OSGIN2: variants seen among roughly 807,000 people sequenced by gnomAD.
OSGIN2 encodes the protein oxidative stress induced growth inhibitor family member 2.
A neutral mutation model predicts 53.8 loss-of-function variants in OSGIN2; 19 were observed. The ratio of observed to expected loss-of-function variants is 0.35; its 90% CI spans 0.25 to 0.52. The LOEUF (loss-of-function observed/expected upper bound fraction) is 0.52. Among genes scored for constraint, OSGIN2 ranks in the 20% least tolerant of loss-of-function variants. OSGIN2 has a pLI of 0.95. For synonymous variants in OSGIN2, 236 were observed against 236.0 expected, an observed-to-expected ratio of 1.00 and a Z score of 0.00; for missense variants, 520 against 662.7, an observed-to-expected ratio of 0.78 and a Z score of 2.36.
chr8:89,914,843 G>GT (rs1379917647), intron 4 of OSGIN2, 97 bp downstream of exon 4: 1 of 835,888 alleles, frequency 1.2e-6, no homozygotes, highest in Admixed American at 2.4e-5. Context: ...TATATGTGAT[G>GT]TTTATCACAT....
chr8:89,901,951 G>A (rs960338679), upstream of OSGIN2: 4 of 152,392 alleles, frequency 2.6e-5, no homozygotes, highest in African/African-American at 9.6e-5. Context: ...GACATGAAGA[G>A]GGGAGGATGA....
In OSGIN2 at chr8:89,920,937, CAACCATT is replaced by C. The variant is rs1586008223; in HGVS notation, c.529-142_529-136del. On this transcript the variant is annotated intron_variant, in intron 4 of 5. Transcript: ENST00000451899. ...AGTAATGTTTTTGAGGTAAGTTAGC[CAACCATT>C]TAGGACTGCAGGAGCGCACCTTGTC... 2.3e-5 allele frequency: 12 copies of C among 513,872 alleles called. No individual in the cohort carries two copies. The South Asian group carries it at 4.0e-4, about 17-fold the overall frequency. The allele number at this position is 513,872 out of a possible 1,614,324, so 31.8% of individuals were successfully genotyped here.
chr8:89,902,962 C>T (rs949312696), intron 1 of OSGIN2, 125 bp downstream of exon 1: 68 of 274,562 alleles, frequency 2.5e-4, no homozygotes, highest in Non-Finnish European at 3.7e-4. Context: ...CCTCCCGCCT[C>T]GGCCGTCCTG....
In OSGIN2 at chr8:89,926,919, A is replaced by G. The variant is rs1809346985; in HGVS notation, c.*1387A>G. 6.6e-6 allele frequency: 1 copy of G among 152,228 alleles called. No individual in the cohort carries two copies. Among genetic ancestry groups the G allele is most frequent in the Non-Finnish European group, 1.5e-5 (1 of 68,034 alleles). The allele number at this position is 152,228 out of a possible 1,614,324, so 9.4% of individuals were successfully genotyped here. A position where few individuals can be genotyped will look rare whatever the true frequency, so the allele number is the denominator to read the frequency against. Reference sequence around the variant, plus strand: ...CATAATTCACTTTAAATATAATTGTATAGAATATATTTGCGTCGATCAAAT... The same window carrying G: ...CATAATTCACTTTAAATATAATTGTGTAGAATATATTTGCGTCGATCAAAT... On this transcript the variant is annotated 3_prime_UTR_variant, in exon 6 of 6. Coordinates refer to ENST00000451899, the MANE Select transcript of OSGIN2 (RefSeq NM_001126111.3).
upstream of OSGIN2, among the ~76,000 whole-genome samples, chr8:89,902,317 CG>C (rs983392439): frequency 6.6e-6 from 1 of 152,138 alleles, no homozygotes; most frequent in Non-Finnish European, 1.5e-5. Context: ...AGAGGGGCGG[CG>C]GGGCGCTGAC....
intron 4 of OSGIN2, among the ~76,000 whole-genome samples, chr8:89,918,405 A>T (rs1288126909): frequency 6.6e-6 from 1 of 152,064 alleles, no homozygotes; most frequent in African/African-American, 2.4e-5. Flanking sequence ...AGCTCAAATG[A>T]TCCTCCTGCC....
chr8:89,906,020 GAAATT>G (rs1183065373), intron 1 of OSGIN2, among the ~76,000 whole-genome samples: 5 of 152,188 alleles, frequency 3.3e-5, no homozygotes, highest in African/African-American at 1.2e-4. Context: ...AATGTTGAGA[GAAATT>G]AAAGGTCTAA....
chr8:89,909,120 C>T (rs773928259), intron 1 of OSGIN2, among the ~76,000 whole-genome samples: 1 of 137,262 alleles, frequency 7.3e-6, no homozygotes, highest in Non-Finnish European at 1.5e-5. Flanking sequence ...ATTTCTTATA[C>T]AAAAATGCAC....
chr8:89,916,279 A>G (rs1221909003), intron 4 of OSGIN2, among the ~76,000 whole-genome samples: 1 of 152,090 alleles, frequency 6.6e-6, no homozygotes, highest in Non-Finnish European at 1.5e-5. Flanking sequence ...GTTAGAAAGT[A>G]TGGATAAACC....
intron 4 of OSGIN2, among the ~76,000 whole-genome samples, chr8:89,916,036 A>G (rs937005816): frequency 1.4e-5 from 2 of 140,854 alleles, no homozygotes; most frequent in African/African-American, 5.3e-5. Context: ...AATACAAGAT[A>G]AGAAAGAATT....
At chr8:89,914,451 G>A in intron 3 of OSGIN2, 104 bp from the exon 4 acceptor site, 1 of 834,408 alleles carries the variant, frequency 1.2e-6, no homozygotes, top group Non-Finnish European at 1.9e-6. Context: ...TGGTCAAGTT[G>A]GGGGTACTGC....
intron 1 of OSGIN2, among the ~76,000 whole-genome samples, chr8:89,909,011 C>CAAAAAA (rs35635974): frequency 7.8e-4 from 30 of 38,392 alleles, no homozygotes; most frequent in African/African-American, 3.0e-3. Context: ...ACCTTGTTTC[C>CAAAAAA]AAAAAAAAAA....
At chr8:89,918,254 C>A (rs765371248) in intron 4 of OSGIN2, among the ~76,000 whole-genome samples, 1 of 152,176 alleles carries the variant, frequency 6.6e-6, no homozygotes, top group Non-Finnish European at 1.5e-5. Flanking sequence ...TGTTTTTCTT[C>A]CTGTTTGGTC....
chr8:89,909,429 A>C (rs1313592588), intron 1 of OSGIN2, 138 bp from the exon 2 acceptor site: 1 of 511,126 alleles, frequency 2.0e-6, no homozygotes, highest in Non-Finnish European at 3.2e-6. Flanking sequence ...TGAAAGCATT[A>C]ATCAGAAGGA....
chr8:89,917,141 C>A (rs1809096351), intron 4 of OSGIN2, among the ~76,000 whole-genome samples: 1 of 152,130 alleles, frequency 6.6e-6, no homozygotes, highest in African/African-American at 2.4e-5. Flanking sequence ...GACACAGAAC[C>A]AAGATCTTAA....
In OSGIN2 at chr8:89,914,692, T is replaced by A. The variant is rs1809041193; in HGVS notation, c.474T>A (p.His158Gln). 6.2e-7 allele frequency: 1 copy of A among 1,614,100 alleles called. No homozygotes were observed. The highest frequency in any genetic ancestry group is 8.5e-7 in the Non-Finnish European group (1 of 1,179,912). Residue 158 changes from histidine to glutamine, a missense_variant, in exon 4 of 6, where the codon CAT becomes CAA. This residue lies in a region of OSGIN2 where 203 missense variants were observed against 275.3 expected (regional missense o/e 0.74). Transcript: ENST00000451899. ...PSVLHWKLEQ[H>Q]HYIPHVVLGK... The stretch of plus-strand genomic sequence containing the variant: ...TTTTGCATTGGAAATTAGAGCAACA[T>A]CATTATATCCCTCACGTAGTTCTTG...
intron 5 of OSGIN2, among the ~76,000 whole-genome samples, chr8:89,922,855 C>T (rs1180872316): frequency 6.6e-6 from 1 of 152,146 alleles, no homozygotes; most frequent in Non-Finnish European, 1.5e-5. Flanking sequence ...AGGGTATAGC[C>T]TGTTGCTCCT....
chr8:89,914,990 T>C (rs1042043448), intron 4 of OSGIN2, among the ~76,000 whole-genome samples: 18 of 152,228 alleles, frequency 1.2e-4, no homozygotes, highest in African/African-American at 3.9e-4. Context: ...ACAAGAATTA[T>C]GTAGAAAACA....
chr8:89,906,305 G>C (rs1433101971), intron 1 of OSGIN2, among the ~76,000 whole-genome samples: 3 of 152,172 alleles, frequency 2.0e-5, no homozygotes, highest in Non-Finnish European at 4.4e-5. Flanking sequence ...AAAATGGCAA[G>C]AAAATCTCAT....
Sources: allele counts gnomAD v4.1 joint callset (sites outside exome capture counted in the v4.1 genomes callset), GRCh38; gene constraint gnomAD v4.1.1; regional missense constraint gnomAD v4.1.1; transcripts MANE v1.5; gene names NCBI Gene and HGNC (gene_info 2026-07-23, HGNC 2026-07-21).